PCSK5: variants seen among roughly 807,000 people sequenced by gnomAD.
PCSK5 encodes the protein prohormone convertase 5.
A neutral mutation model predicts 233.2 loss-of-function variants in PCSK5; 129 were observed. That is an observed-to-expected ratio of 0.55 (90% CI 0.48 to 0.64). PCSK5 has a LOEUF of 0.64. Ranked by LOEUF, PCSK5 falls within the 30% of genes least tolerant of loss-of-function variation. PCSK5 has a pLI of 0.00. For missense variants in PCSK5, 2,076 were observed against 2,430.1 expected (o/e 0.85, Z 3.06); for synonymous variants, 825 against 879.2 (o/e 0.94, Z 1.09).
intron 24 of PCSK5, among the ~76,000 whole-genome samples, chr9:76,245,575 A>C (rs565380364): frequency 6.6e-6 from 1 of 152,294 alleles, no homozygotes; most frequent in East Asian, 1.9e-4. Flanking sequence ...TAGCAGGAAA[A>C]AAAGGCTTCT....
chr9:76,110,550 G>A (rs1423478048), intron 9 of PCSK5, among the ~76,000 whole-genome samples: 1 of 152,096 alleles, frequency 6.6e-6, no homozygotes, highest in Admixed American at 6.6e-5. Context: ...GGAAACTAAG[G>A]GAAAAGAAAA....
chr9:76,289,438 C>T (rs1828195303), intron 24 of PCSK5, among the ~76,000 whole-genome samples: 2 of 135,622 alleles, frequency 1.5e-5, no homozygotes, highest in African/African-American at 5.4e-5. Context: ...ACAATTGTAG[C>T]TTGTTTAAGA....
intron 5 of PCSK5, among the ~76,000 whole-genome samples, chr9:76,055,784 T>G (rs1829799850): frequency 6.6e-6 from 1 of 152,144 alleles, no homozygotes; most frequent in African/African-American, 2.4e-5. Flanking sequence ...GATACCCTGG[T>G]CTAGTTCTCA....
chr9:76,046,160 GT>G (rs71372041), intron 5 of PCSK5, among the ~76,000 whole-genome samples: 1,137 of 58,008 alleles, frequency 0.02, 16 homozygotes, highest in Non-Finnish European at 0.028. Flanking sequence ...TTTTTCTTTT[GT>G]TTTTTTTTTT....
intron 3 of PCSK5, among the ~76,000 whole-genome samples, chr9:75,989,168 C>G (rs542100896): frequency 6.6e-6 from 1 of 152,314 alleles, no homozygotes; most frequent in East Asian, 1.9e-4. Flanking sequence ...ATCCCCATTG[C>G]TTCACTTAGA....
intron 1 of PCSK5, among the ~76,000 whole-genome samples, chr9:75,913,979 T>A (rs1822869932): frequency 6.6e-6 from 1 of 152,192 alleles, no homozygotes; most frequent in African/African-American, 2.4e-5. Flanking sequence ...CCTCTTTTAA[T>A]CCAGCCTGTA....
intron 10 of PCSK5, among the ~76,000 whole-genome samples, chr9:76,136,653 A>T (rs1564053931): frequency 6.6e-6 from 1 of 150,784 alleles, no homozygotes; most frequent in East Asian, 1.9e-4. Flanking sequence ...GAATCTGAAA[A>T]CTCCTGTTCT....
At chr9:75,932,322 G>A (rs4745472) in intron 1 of PCSK5, 57 bp from the exon 2 acceptor site, 26,992 of 1,029,594 alleles carry the variant, frequency 0.026, 473 homozygotes, top group Admixed American at 0.039. Flanking sequence ...AACAGAAGAC[G>A]GTTTTCACAC....
In PCSK5 at chr9:76,338,375, C is replaced by A. The variant is rs1312620717; in HGVS notation, c.4894C>A (p.Pro1632Thr). The A allele has an allele frequency of 6.2e-7, 1 of 1,612,558 alleles. No individual in the cohort carries two copies. The highest frequency in any genetic ancestry group is 1.7e-5 in the Admixed American group (1 of 60,008). Reference sequence around the variant, plus strand: ...CAAAGGAGAGTGTCATCGCTCCTGCCCAGACCATTACTATGTAGAGCAAAG... The same window carrying A: ...CAAAGGAGAGTGTCATCGCTCCTGCACAGACCATTACTATGTAGAGCAAAG... Reference protein sequence around the residue: ...RSKGECHRSCPDHYYVEQSTQ... With the variant: ...RSKGECHRSCTDHYYVEQSTQ... Residue 1632 changes from proline (P) to threonine (T), a missense_variant, in exon 35 of 38, where the codon CCA (proline) becomes ACA (threonine). Transcript: ENST00000674117.
intron 30 of PCSK5, among the ~76,000 whole-genome samples, chr9:76,316,739 C>A (rs1257161909): frequency 2.2e-5 from 1 of 46,128 alleles, no homozygotes; most frequent in East Asian, 5.0e-4. Flanking sequence ...CCTTGTCTCA[C>A]CAAAAAAAAA....
intron 1 of PCSK5, among the ~76,000 whole-genome samples, chr9:75,901,260 GCACATATACAC>G (rs1826020235): frequency 6.6e-6 from 1 of 152,116 alleles, no homozygotes; most frequent in South Asian, 2.1e-4. Flanking sequence ...AGAAAATGTG[GCACATATACAC>G]CATGGAATAC....
At chr9:76,236,473 G>C (rs188178758) in intron 22 of PCSK5, among the ~76,000 whole-genome samples, 2 of 152,178 alleles carry the variant, frequency 1.3e-5, no homozygotes, top group South Asian at 2.1e-4. Context: ...CCTAACAAAA[G>C]TATCAGCCCT....
intron 3 of PCSK5, among the ~76,000 whole-genome samples, chr9:76,013,509 A>C (rs543978613): frequency 6.6e-6 from 1 of 152,350 alleles, no homozygotes; most frequent in South Asian, 2.1e-4. Flanking sequence ...TCCTGGAAAG[A>C]GATGTAGCCT....
intron 7 of PCSK5, among the ~76,000 whole-genome samples, chr9:76,091,312 T>TGAGAGAGA (rs71992221): frequency 1.3e-5 from 2 of 150,048 alleles, no homozygotes; most frequent in African/African-American, 2.5e-5. Flanking sequence ...GCCTACAATC[T>TGAGAGAGA]GAGAGAGAGA....
At chr9:76,232,673 C>G (rs1826129548) in intron 21 of PCSK5, among the ~76,000 whole-genome samples, 1 of 152,196 alleles carries the variant, frequency 6.6e-6, no homozygotes, top group African/African-American at 2.4e-5. Context: ...GAACAGAATA[C>G]TTGGATACAA....
intron 16 of PCSK5, among the ~76,000 whole-genome samples, chr9:76,183,017 G>T (rs1015498946): frequency 3.3e-5 from 5 of 152,098 alleles, no homozygotes; most frequent in African/African-American, 1.2e-4. Context: ...TGCCTTTCTT[G>T]CTTGCCCCAA....
chr9:76,355,630 C>T (rs1016333925), intron 37 of PCSK5, among the ~76,000 whole-genome samples: 1 of 152,122 alleles, frequency 6.6e-6, no homozygotes, highest in African/African-American at 2.4e-5. Context: ...AAAGAAAATC[C>T]CAGACCCATA....
chr9:76,229,540 C>T (rs1166922092), intron 21 of PCSK5, among the ~76,000 whole-genome samples: 1 of 152,188 alleles, frequency 6.6e-6, no homozygotes, highest in Non-Finnish European at 1.5e-5. Context: ...TCAAAGTTAC[C>T]TCTGTTCTGA....
intron 13 of PCSK5, among the ~76,000 whole-genome samples, chr9:76,174,463 C>T (rs1016488991): frequency 5.3e-5 from 8 of 152,034 alleles, no homozygotes; most frequent in South Asian, 2.1e-4. Flanking sequence ...CGTGCCACTG[C>T]GCCCAGCTAA....
Sources: gnomAD v4.1 joint callset for allele counts (sites outside exome capture counted in the v4.1 genomes callset) on GRCh38, gnomAD v4.1.1 for gene constraint, MANE v1.5 for transcripts, NCBI Gene and HGNC (gene_info 2026-07-23, HGNC 2026-07-21) for gene names.